Variants in MTDH observed in about 807,000 individuals in gnomAD.
The protein encoded by MTDH is metadherin, also known as protein LYRIC.
Under a neutral mutation model 72.7 loss-of-function variants are expected in MTDH, and 34 were observed. The ratio of observed to expected loss-of-function variants is 0.47; its 90% CI spans 0.36 to 0.62. The LOEUF is 0.62. Among genes scored for constraint, MTDH ranks in the 20% least tolerant of loss-of-function variants. The pLI, the probability that MTDH is intolerant of heterozygous loss-of-function variation, is 0.00. For missense variants in MTDH, 677 were observed against 699.4 expected (o/e 0.97, Z 0.36); for synonymous variants, 266 against 268.9 (o/e 0.99, Z 0.10).
rs1814371613 is a variant in MTDH, at chr8:97,706,745, C to G, written c.1267C>G (p.Gln423Glu). The stretch of plus-strand genomic sequence containing the variant: ...GTCCCAGGAACCAATTCCTGATGAT[C>G]AAAAGGTGAGTATAAGAGATTCCTG... ...LKSQEPIPDDQKVSDDDKEKG... is the reference protein window; with the variant it reads ...LKSQEPIPDDEKVSDDDKEKG... Residue 423 changes from glutamine to glutamate, a missense_variant, in exon 8 of 12, where the codon CAA becomes GAA. Gln to Glu is a conservative substitution (Grantham distance 29). This residue lies in a region of MTDH where 201 missense variants were observed against 204.5 expected (regional missense o/e 0.98). Transcript: ENST00000336273. 6.2e-7 allele frequency: 1 copy of G among 1,612,858 alleles called. No individual in the cohort carries two copies. The highest frequency in any genetic ancestry group is 1.3e-5 in the African/African-American group (1 of 74,928).
intron 7 of MTDH, 87 bp from the exon 8 acceptor site, chr8:97,706,539 C>A: frequency 1.6e-6 from 2 of 1,273,660 alleles, no homozygotes; most frequent in Non-Finnish European, 2.1e-6. Context: ...AAAATTACAG[C>A]TTAGTTGAAC....
rs1035832182 is a variant in MTDH, at chr8:97,675,943, T to C, written c.484-10725T>C. On this transcript the variant is annotated intron_variant, in intron 2 of 11. Transcript: ENST00000336273. ...TAAATGGCTAGTTGCAAATAGGTTT[T>C]TTTTTTTTTTTTTCTGAGATAGGGT... 2.5e-4 allele frequency among the ~76,000 whole-genome samples: 38 copies of C among 150,058 alleles called. No homozygotes were observed. The East Asian group carries it at 3.5e-3, about 14-fold the overall frequency.
At position 97,699,771 on chromosome 8, in the gene MTDH, G is replaced by A; in HGVS notation, c.1066G>A (p.Val356Ile). ...CATTTAAGGGTCTACTGCTGAGCCA[G>A]TTTCTCAGTCTACCACTTCTGATTA... ...FSGIGSTAEPVSQSTTSDYQW... is the reference protein window; with the variant it reads ...FSGIGSTAEPISQSTTSDYQW... Residue 356 changes from valine to isoleucine, a missense_variant, in exon 7 of 12, where the codon GTT (valine) becomes ATT (isoleucine). By Grantham distance (29) the Val-to-Ile change is conservative. Transcript: ENST00000336273. 1.2e-6 allele frequency: 2 copies of A among 1,612,008 alleles called. No individual in the cohort carries two copies. The highest frequency in any genetic ancestry group is 1.3e-5 in the African/African-American group (1 of 74,972).
chr8:97,702,880 A>G (rs1814190946), intron 7 of MTDH, among the ~76,000 whole-genome samples: 1 of 152,228 alleles, frequency 6.6e-6, no homozygotes, highest in African/African-American at 2.4e-5. Context: ...TCCATAAGCA[A>G]ATTAAATGAA....
In MTDH at chr8:97,698,526, C is replaced by T. The variant is rs186926163; in HGVS notation, c.1049-1228C>T. 5.8e-3 allele frequency among the ~76,000 whole-genome samples: 880 copies of T among 152,288 alleles called. 9 individuals are homozygous for T. The highest frequency in any genetic ancestry group is 0.029 in the Admixed American group (442 of 15,294). On this transcript the variant is annotated intron_variant, in intron 6 of 11. Transcript: ENST00000336273. ...CTCTCACCCGACCTACTACCCTCACCTGAGAAAAAACAAAAACAGACAAAA... is the reference window on the plus strand; with the variant it reads ...CTCTCACCCGACCTACTACCCTCACTTGAGAAAAAACAAAAACAGACAAAA...
chr8:97,722,419 G>A (rs980610408), intron 10 of MTDH, among the ~76,000 whole-genome samples: 1 of 152,102 alleles, frequency 6.6e-6, no homozygotes, highest in Admixed American at 6.6e-5. Flanking sequence ...GGCTAACACA[G>A]TGAAACCTTG....
intron 7 of MTDH, among the ~76,000 whole-genome samples, chr8:97,705,545 A>G (rs977211182): frequency 2.0e-5 from 3 of 152,272 alleles, no homozygotes; most frequent in African/African-American, 7.2e-5. Context: ...GGTTCCAGTT[A>G]GCTGAGATCA....
chr8:97,652,069 G>A (rs1462086716), intron 1 of MTDH, among the ~76,000 whole-genome samples: 1 of 152,018 alleles, frequency 6.6e-6, no homozygotes, highest in Non-Finnish European at 1.5e-5. Flanking sequence ...TGTCACCTTA[G>A]CTCCCCTAAC....
Position 97,724,628 on chromosome 8 carries a change from C to T in MTDH, c.1707C>T (p.Pro569=). ...QTKSETSWES[P]KQIKKKKKAR... is the part of the protein sequence containing the mutation. Reference sequence around the variant, plus strand: ...AGTCTGAAACTAGCTGGGAATCTCCCAAACAAATAAAAAAGAAGAAAAAAG... The same window carrying T: ...AGTCTGAAACTAGCTGGGAATCTCCTAAACAAATAAAAAAGAAGAAAAAAG... Residue 569 remains proline (P), a synonymous_variant, in exon 12 of 12, where the codon CCC becomes CCT. Transcript: ENST00000336273. 1 of 1,591,572 alleles carries T rather than the reference C, an allele frequency of 6.3e-7. No homozygotes were observed.
At chr8:97,661,316 G>A (rs1812165145) in intron 2 of MTDH, 143 bp downstream of exon 2, 2 of 547,892 alleles carry the variant, frequency 3.7e-6, no homozygotes, top group Admixed American at 6.6e-5. Flanking sequence ...ATAGTGGATG[G>A]GTGGTAAAAG....
At chr8:97,714,865 G>T (rs1470230719) in intron 9 of MTDH, among the ~76,000 whole-genome samples, 1 of 150,992 alleles carries the variant, frequency 6.6e-6, no homozygotes, top group Non-Finnish European at 1.5e-5. Flanking sequence ...TTGTTCTGTT[G>T]CCCAGGCTGG....
chr8:97,668,736 A>G (rs1221874677), intron 2 of MTDH, among the ~76,000 whole-genome samples: 4 of 151,890 alleles, frequency 2.6e-5, no homozygotes, highest in Non-Finnish European at 4.4e-5. Context: ...TGTATTTTTA[A>G]TAGAGATGGG....
intron 9 of MTDH, among the ~76,000 whole-genome samples, chr8:97,715,411 G>A (rs1814825214): frequency 6.6e-6 from 1 of 152,222 alleles, no homozygotes; most frequent in Non-Finnish European, 1.5e-5. Flanking sequence ...TTACAGGTGT[G>A]AGCCACCACG....
chr8:97,669,149 A>G (rs1164137247), intron 2 of MTDH, among the ~76,000 whole-genome samples: 1 of 152,128 alleles, frequency 6.6e-6, no homozygotes, highest in Non-Finnish European at 1.5e-5. Flanking sequence ...AGCTATCACC[A>G]CAATCTAATT....
chr8:97,660,942 G>A (rs930794251), intron 1 of MTDH, 130 bp from the exon 2 acceptor site: 38 of 501,328 alleles, frequency 7.6e-5, no homozygotes, highest in South Asian at 1.5e-4. Flanking sequence ...TAACATTGGT[G>A]TACAAAAACT....
At chr8:97,682,414 T>G (rs1185319018) in intron 2 of MTDH, among the ~76,000 whole-genome samples, 7 of 143,018 alleles carry the variant, frequency 4.9e-5, no homozygotes, top group Non-Finnish European at 7.6e-5. Context: ...TTCTCCTGCC[T>G]CAGCCTCCCG....
intron 2 of MTDH, among the ~76,000 whole-genome samples, chr8:97,677,731 G>A (rs1812914402): frequency 6.6e-6 from 1 of 152,074 alleles, no homozygotes; most frequent in African/African-American, 2.4e-5. Flanking sequence ...TTAGCTAATG[G>A]TATTCTGAAA....
intron 5 of MTDH, among the ~76,000 whole-genome samples, chr8:97,689,938 A>G (rs1813521691): frequency 6.7e-6 from 1 of 149,368 alleles, no homozygotes. Context: ...CGAACTCCTG[A>G]CCTCAGGTGA....
At chr8:97,706,889 G>A in intron 8 of MTDH, 139 bp downstream of exon 8, 1 of 902,052 alleles carries the variant, frequency 1.1e-6, no homozygotes, top group Non-Finnish European at 1.6e-6. Context: ...GGCCAGCCTG[G>A]GCAACATAGC....
Sources: gnomAD v4.1 joint callset for allele counts (sites outside exome capture counted in the v4.1 genomes callset) on GRCh38, gnomAD v4.1.1 for gene constraint, gnomAD v4.1.1 regional missense constraint, MANE v1.5 for transcripts, NCBI Gene and HGNC (gene_info 2026-07-23, HGNC 2026-07-21) for gene names.